RALGPS2: variants seen among roughly 807,000 people sequenced by gnomAD.
The protein encoded by RALGPS2 is Ral GEF with PH domain and SH3 binding motif 2.
RALGPS2 carries 43 observed loss-of-function variants against 86.8 expected under a neutral mutation model. The observed-to-expected ratio is 0.50, with a 90% CI of 0.39 to 0.64. RALGPS2 has a LOEUF of 0.64. RALGPS2 is among the 30% of genes least tolerant of loss of function. The pLI is 0.00. For missense variants in RALGPS2, 536 were observed against 694.6 expected (o/e 0.77, Z 2.57); for synonymous variants, 243 against 231.3 (o/e 1.05, Z -0.46).
In RALGPS2 at chr1:178,833,562, C is replaced by T; in HGVS notation, c.607+12C>T. On this transcript the variant is annotated intron_variant, in intron 8 of 19. Coordinates refer to ENST00000367635, the MANE Select transcript of RALGPS2 (RefSeq NM_152663.5). ...CATTCCCTATTTAGGTGAGTTATGTCACTGTGTGTTTTTTGTTTCTAGTTG... is the reference window on the plus strand; with the variant it reads ...CATTCCCTATTTAGGTGAGTTATGTTACTGTGTGTTTTTTGTTTCTAGTTG... The T allele has an allele frequency of 6.6e-7, 1 of 1,522,828 alleles. No homozygotes were observed. Among genetic ancestry groups the T allele is most frequent in the South Asian group, 1.3e-5 (1 of 74,484 alleles). The allele number at this position is 1,522,828 out of a possible 1,614,324, so 94.3% of individuals were successfully genotyped here. A position where few individuals can be genotyped will look rare whatever the true frequency, so the allele number is the denominator to read the frequency against.
At position 178,917,469 on chromosome 1, in the gene RALGPS2, T is replaced by C. The variant is rs1464588904; in HGVS notation, c.*1110T>C. 2.0e-5 allele frequency: 3 copies of C among 152,166 alleles called. No homozygotes were observed. Among genetic ancestry groups the C allele is most frequent in the Non-Finnish European group, 4.4e-5 (3 of 68,012 alleles). The allele number at this position is 152,166 out of a possible 1,614,324, so 9.4% of individuals were successfully genotyped here. A position where few individuals can be genotyped will look rare whatever the true frequency, so the allele number is the denominator to read the frequency against. Reference sequence around the variant, plus strand: ...AAGGTAACACATAGAGATGTATGTATATATTTTGTTATAAGACATACAAAA... The same window carrying C: ...AAGGTAACACATAGAGATGTATGTACATATTTTGTTATAAGACATACAAAA... On this transcript the variant is annotated 3_prime_UTR_variant, in exon 20 of 20. Transcript: ENST00000367635.
intron 13 of RALGPS2, among the ~76,000 whole-genome samples, chr1:178,886,396 A>G (rs957912291): frequency 2.6e-5 from 4 of 152,202 alleles, no homozygotes; most frequent in Non-Finnish European, 5.9e-5. Context: ...GGGAGGAGGA[A>G]GAGTGTGGAG....
At chr1:178,909,841 G>C (rs1253595680) in intron 19 of RALGPS2, among the ~76,000 whole-genome samples, 1 of 151,782 alleles carries the variant, frequency 6.6e-6, no homozygotes, top group East Asian at 1.9e-4. Flanking sequence ...AGTAGACAAA[G>C]GGTTTCACTG....
Position 178,897,589 on chromosome 1 carries a change from T to C in RALGPS2, c.1432-75T>C, listed in dbSNP as rs1338195064. On this transcript the variant is annotated intron_variant, in intron 16 of 19. Coordinates refer to ENST00000367635, the MANE Select transcript of RALGPS2 (RefSeq NM_152663.5). ...GGTTGAAGTGAAGTGGACTTGATCA[T>C]TGGCACTTAGAATGTAAAGAAACTA... The C allele has an allele frequency of 3.3e-6, 4 of 1,218,234 alleles. No homozygotes were observed. In the East Asian group the frequency reaches 9.4e-5, roughly 28 times the overall value. The allele number at this position is 1,218,234 out of a possible 1,614,324, so 75.5% of individuals were successfully genotyped here.
intron 7 of RALGPS2, among the ~76,000 whole-genome samples, chr1:178,830,452 A>G (rs1655964726): frequency 6.6e-6 from 1 of 152,188 alleles, no homozygotes; most frequent in Non-Finnish European, 1.5e-5. Flanking sequence ...TACGTGTATG[A>G]CAGAGGTGGC....
intron 1 of RALGPS2, among the ~76,000 whole-genome samples, chr1:178,735,259 A>G (rs1176237831): frequency 2.6e-5 from 4 of 152,160 alleles, no homozygotes; most frequent in Non-Finnish European, 4.4e-5. Flanking sequence ...TACGTACTCC[A>G]TGAAGTCATA....
In RALGPS2 at chr1:178,811,233, C is replaced by T. The variant is rs759594361; in HGVS notation, c.298-82C>T. 1.2e-4 allele frequency: 134 copies of T among 1,092,430 alleles called. 1 individual carries two copies. Among genetic ancestry groups the T allele is most frequent in the South Asian group, 3.4e-4 (21 of 62,404 alleles). The allele number at this position is 1,092,430 out of a possible 1,614,324, so 67.7% of individuals were successfully genotyped here. On this transcript the variant is annotated intron_variant, in intron 5 of 19. Coordinates refer to ENST00000367635, the MANE Select transcript of RALGPS2 (RefSeq NM_152663.5). ...GTTTAATTTTAGAGCTTACCTAATTCTGCCAAAATTTTTTAAAATACAGCA... is the reference window on the plus strand; with the variant it reads ...GTTTAATTTTAGAGCTTACCTAATTTTGCCAAAATTTTTTAAAATACAGCA...
At chr1:178,851,390 A>G in intron 8 of RALGPS2, 3 of 1,336,762 alleles carry the variant, frequency 2.2e-6, no homozygotes, top group African/African-American at 3.0e-5. Context: ...TAAAAAACTT[A>G]TTCTACCTTT....
chr1:178,750,227 T>C (rs915313429), intron 1 of RALGPS2, among the ~76,000 whole-genome samples: 40 of 152,350 alleles, frequency 2.6e-4, no homozygotes, highest in African/African-American at 9.6e-4. Context: ...ATCTACACTT[T>C]GCAGGCCATG....
intron 2 of RALGPS2, among the ~76,000 whole-genome samples, chr1:178,783,241 T>C (rs1040732773): frequency 3.9e-5 from 6 of 152,050 alleles, no homozygotes; most frequent in African/African-American, 1.5e-4. Flanking sequence ...CCAGTACCAG[T>C]AGACTGGTGA....
At chr1:178,907,385 T>G (rs957849056) in intron 19 of RALGPS2, among the ~76,000 whole-genome samples, 15 of 152,224 alleles carry the variant, frequency 9.9e-5, no homozygotes, top group African/African-American at 3.6e-4. Flanking sequence ...TTAATAAAAA[T>G]TATTCGAATT....
In RALGPS2 at chr1:178,792,774, T is replaced by C. The variant is rs534265992; in HGVS notation, c.213+7167T>C. Reference sequence around the variant, plus strand: ...TTACTGTTCCCCCTTCCTCTTGATATGTAGTCTCTTAGTGGTGGGGAGAAA... The same window carrying C: ...TTACTGTTCCCCCTTCCTCTTGATACGTAGTCTCTTAGTGGTGGGGAGAAA... On this transcript the variant is annotated intron_variant, in intron 4 of 19. Transcript: ENST00000367635. Among the ~76,000 whole-genome samples, 5 of 152,326 alleles carry C rather than the reference T, an allele frequency of 3.3e-5. No individual in the cohort carries two copies. In the East Asian group the frequency reaches 9.6e-4, roughly 29 times the overall value.
chr1:178,808,186 TC>T lies in RALGPS2; in HGVS notation c.297+60del, dbSNP rs1310664705. ...ATTCAGTTCCTCAATATATACTTTT[TC>T]CTTAAGAAATAATTTAACTTTTTAC... On this transcript the variant is annotated intron_variant, in intron 5 of 19. Transcript: ENST00000367635. 4 of 1,171,802 alleles carry T rather than the reference TC, an allele frequency of 3.4e-6. No homozygotes were observed. In the African/African-American group the frequency reaches 6.2e-5, roughly 18 times the overall value. The allele number at this position is 1,171,802 out of a possible 1,614,324, so 72.6% of individuals were successfully genotyped here.
At chr1:178,838,513 C>T (rs1015804053) in intron 8 of RALGPS2, among the ~76,000 whole-genome samples, 1 of 152,160 alleles carries the variant, frequency 6.6e-6, no homozygotes, top group Non-Finnish European at 1.5e-5. Flanking sequence ...ACCAAAACCC[C>T]ATCTATATGT....
At chr1:178,825,318 A>G (rs1467117466) in intron 7 of RALGPS2, among the ~76,000 whole-genome samples, 3 of 152,158 alleles carry the variant, frequency 2.0e-5, no homozygotes, top group African/African-American at 7.2e-5. Context: ...TTGACAGATG[A>G]GGAAACTAAG....
chr1:178,862,634 G>GATTTAT (rs1466813784), intron 8 of RALGPS2, among the ~76,000 whole-genome samples: 14 of 125,850 alleles, frequency 1.1e-4, no homozygotes, highest in Admixed American at 4.9e-4. Context: ...TATTTATTTG[G>GATTTAT]TTGGTTGGTT....
At chr1:178,783,103 A>G (rs540033798) in intron 2 of RALGPS2, among the ~76,000 whole-genome samples, 2 of 152,366 alleles carry the variant, frequency 1.3e-5, no homozygotes, top group East Asian at 3.9e-4. Flanking sequence ...TCTAATGAAA[A>G]AAAGCGTACA....
chr1:178,854,868 G>A (rs1284729173), intron 8 of RALGPS2, among the ~76,000 whole-genome samples: 3 of 152,138 alleles, frequency 2.0e-5, no homozygotes, highest in Non-Finnish European at 4.4e-5. Context: ...CTTTTAGGGT[G>A]TCTGACTCTT....
rs544386023 is a variant in RALGPS2 at position 178,855,570 on chromosome 1, C to G, written c.608-21928C>G. Among the ~76,000 whole-genome samples, 114 of 151,738 alleles carry G rather than the reference C, an allele frequency of 7.5e-4. 1 individual carries two copies. Among genetic ancestry groups the G allele is most frequent in the Non-Finnish European group, 1.4e-3 (96 of 67,848 alleles). Reference sequence around the variant, plus strand: ...GAAAGCCTTATTTATGGTGTCTTTCCTGCGTTATATTTATTTTAGGTATTG... The same window carrying G: ...GAAAGCCTTATTTATGGTGTCTTTCGTGCGTTATATTTATTTTAGGTATTG... On this transcript the variant is annotated intron_variant, in intron 8 of 19. Coordinates refer to ENST00000367635, the MANE Select transcript of RALGPS2 (RefSeq NM_152663.5).
Sources: allele counts gnomAD v4.1 joint callset (sites outside exome capture counted in the v4.1 genomes callset), GRCh38; gene constraint gnomAD v4.1.1; transcripts MANE v1.5; gene names NCBI Gene and HGNC (gene_info 2026-07-23, HGNC 2026-07-21).